The following SHLD2 variants were observed in gnomAD, a reference collection of about 807,000 sequenced individuals.
SHLD2 encodes the protein RINN1-REV7-interacting novel NHEJ regulator 2.
A neutral mutation model predicts 73.2 loss-of-function variants in SHLD2; 30 were observed. The observed-to-expected ratio is 0.41, with a 90% CI of 0.31 to 0.56. The LOEUF (loss-of-function observed/expected upper bound fraction) is 0.56, where lower values mean the gene tolerates loss of function less well. SHLD2 is among the 20% of genes least tolerant of loss of function. SHLD2 has a pLI of 0.28. For missense variants in SHLD2, 745 were observed against 1,055.9 expected (o/e 0.71, Z 4.08); for synonymous variants, 285 against 370.1 (o/e 0.77, Z 2.64).
intron 7 of SHLD2, among the ~76,000 whole-genome samples, chr10:87,178,762 T>C (rs1848114859): frequency 1.3e-5 from 2 of 152,192 alleles, no homozygotes; most frequent in African/African-American, 4.8e-5. Flanking sequence ...GACATGTCTT[T>C]GGAAAGATGT....
chr10:87,129,280 G>A (rs1173495158), intron 2 of SHLD2, among the ~76,000 whole-genome samples: 7 of 152,056 alleles, frequency 4.6e-5, no homozygotes, highest in Admixed American at 2.6e-4. Flanking sequence ...TAGTAGGGAC[G>A]GGGTTTCACC....
At chr10:87,166,183 A>G (rs893142796) in intron 4 of SHLD2, among the ~76,000 whole-genome samples, 2 of 152,090 alleles carry the variant, frequency 1.3e-5, no homozygotes, top group African/African-American at 4.8e-5. Context: ...ATAAACATGG[A>G]AAAATAGATA....
At position 87,102,688 on chromosome 10, in the gene SHLD2, G is replaced by A. The variant is rs776644383; in HGVS notation, c.-6+5699G>A. ...CGTGCCACTGAACTCCAGCCTGGGC[G>A]ACAGAGCAAGATTTCATTTCAAAAA... On this transcript the variant is annotated intron_variant, in intron 2 of 9. Coordinates refer to ENST00000298786, the MANE Select transcript of SHLD2 (RefSeq NM_001330112.2). Among the ~76,000 whole-genome samples, 12 of 151,946 alleles carry A rather than the reference G, an allele frequency of 7.9e-5. No homozygotes were observed. The South Asian group carries it at 2.5e-3, about 32-fold the overall frequency.
intron 2 of SHLD2, among the ~76,000 whole-genome samples, chr10:87,100,214 T>C (rs1842175588): frequency 6.6e-6 from 1 of 152,232 alleles, no homozygotes; most frequent in African/African-American, 2.4e-5. Flanking sequence ...TCCTTTGTTT[T>C]CTTCTAAGAG....
chr10:87,162,447 A>G (rs959432972), intron 4 of SHLD2, among the ~76,000 whole-genome samples: 8 of 152,194 alleles, frequency 5.3e-5, no homozygotes, highest in Non-Finnish European at 1.0e-4. Flanking sequence ...TAATCATAGC[A>G]TTTTGGAAAG....
At chr10:87,150,357 C>T (rs1177986267) in intron 2 of SHLD2, among the ~76,000 whole-genome samples, 1 of 152,038 alleles carries the variant, frequency 6.6e-6, no homozygotes, top group Non-Finnish European at 1.5e-5. Context: ...AACCACTGTG[C>T]TCTGCCCCAA....
intron 8 of SHLD2, among the ~76,000 whole-genome samples, chr10:87,186,153 A>G (rs1349823021): frequency 6.6e-6 from 1 of 152,166 alleles, no homozygotes; most frequent in Non-Finnish European, 1.5e-5. Context: ...GGAGGGAGAG[A>G]GAGGCTGAGG....
intron 1 of SHLD2, among the ~76,000 whole-genome samples, chr10:87,095,689 C>A (rs951963011): frequency 2.5e-4 from 38 of 152,382 alleles, no homozygotes; most frequent in African/African-American, 9.1e-4. Context: ...TTGTCCCGTT[C>A]AACTGCTCCG....
At chr10:87,135,406 C>T (rs1021895006) in intron 2 of SHLD2, among the ~76,000 whole-genome samples, 3 of 151,994 alleles carry the variant, frequency 2.0e-5, no homozygotes, top group African/African-American at 2.4e-5. Context: ...TGTAGAATGT[C>T]CTTCTATTGA....
At chr10:87,175,199 TAACTA>T (rs1285408698) in intron 6 of SHLD2, among the ~76,000 whole-genome samples, 11 of 151,854 alleles carry the variant, frequency 7.2e-5, no homozygotes, top group Admixed American at 7.2e-4. Context: ...CTAGAAAAGT[TAACTA>T]AAATAACTAT....
At chr10:87,098,859 T>C (rs928325807) in intron 2 of SHLD2, among the ~76,000 whole-genome samples, 1 of 152,186 alleles carries the variant, frequency 6.6e-6, no homozygotes, top group African/African-American at 2.4e-5. Context: ...TACCACAGCC[T>C]GGACTTCCTG....
At chr10:87,175,238 C>T (rs1158190693) in intron 6 of SHLD2, among the ~76,000 whole-genome samples, 2 of 151,870 alleles carry the variant, frequency 1.3e-5, no homozygotes, top group Admixed American at 6.6e-5. Flanking sequence ...AAATATTAGA[C>T]TTGGGTTCAT....
chr10:87,141,591 G>T (rs557289515), intron 2 of SHLD2, among the ~76,000 whole-genome samples: 1 of 152,158 alleles, frequency 6.6e-6, no homozygotes, highest in African/African-American at 2.4e-5. Flanking sequence ...TGCACAGTGG[G>T]GTGAGTATAG....
At chr10:87,166,825 C>G (rs1847234217) in intron 4 of SHLD2, among the ~76,000 whole-genome samples, 4 of 152,072 alleles carry the variant, frequency 2.6e-5, no homozygotes, top group African/African-American at 9.7e-5. Context: ...TAGTATGAAC[C>G]TATAGTAACT....
At chr10:87,138,006 A>G (rs1475562369) in intron 2 of SHLD2, among the ~76,000 whole-genome samples, 5 of 152,148 alleles carry the variant, frequency 3.3e-5, no homozygotes, top group Non-Finnish European at 4.4e-5. Context: ...CCCCATCTCT[A>G]TTTAAAAAAG....
intron 4 of SHLD2, among the ~76,000 whole-genome samples, chr10:87,163,709 AAG>A (rs1846983632): frequency 6.6e-6 from 1 of 150,736 alleles, no homozygotes; most frequent in African/African-American, 2.4e-5. Flanking sequence ...CTGTTGGAGA[AAG>A]AAATTATAAA....
intron 2 of SHLD2, among the ~76,000 whole-genome samples, chr10:87,100,650 G>A (rs1329244220): frequency 1.3e-5 from 2 of 152,068 alleles, no homozygotes; most frequent in East Asian, 3.9e-4. Context: ...GCTAATTTTT[G>A]TATTTTCAGT....
intron 4 of SHLD2, among the ~76,000 whole-genome samples, chr10:87,167,692 T>A (rs1796052241): frequency 6.6e-6 from 1 of 152,232 alleles, no homozygotes; most frequent in Non-Finnish European, 1.5e-5. Context: ...TTACCCAGGC[T>A]GGAGTGCAGT....
intron 2 of SHLD2, among the ~76,000 whole-genome samples, chr10:87,097,744 T>A (rs529890052): frequency 1.3e-5 from 2 of 152,270 alleles, no homozygotes; most frequent in East Asian, 3.9e-4. Flanking sequence ...TTTTTATTTT[T>A]AAAATCATCA....
Sources: allele counts gnomAD v4.1 joint callset (sites outside exome capture counted in the v4.1 genomes callset), GRCh38; gene constraint gnomAD v4.1.1; transcripts MANE v1.5; gene names NCBI Gene and HGNC (gene_info 2026-07-23, HGNC 2026-07-21).